RORB: variants seen among roughly 807,000 people sequenced by gnomAD.
The protein encoded by RORB is nuclear receptor ROR-beta.
Under a neutral mutation model 59.1 loss-of-function variants are expected in RORB, and 6 were observed. The ratio of observed to expected loss-of-function variants is 0.10; its 90% confidence interval spans 0.06 to 0.20. The LOEUF (loss-of-function observed/expected upper bound fraction) is 0.20. Among genes scored for constraint, RORB ranks in the 10% least tolerant of loss-of-function variants. The pLI, the probability that RORB is intolerant of heterozygous loss-of-function variation, is 1.00. For synonymous variants in RORB, 215 were observed against 204.5 expected (o/e 1.05, Z -0.44); for missense variants, 320 against 560.5 (o/e 0.57, Z 4.33).
At chr9:74,534,626 G>C (rs1013682460) in intron 1 of RORB, among the ~76,000 whole-genome samples, 2 of 151,824 alleles carry the variant, frequency 1.3e-5, no homozygotes, top group African/African-American at 4.8e-5. Context: ...GGGTGAGCCT[G>C]CCTGTCCACC....
chr9:74,638,279 T>A (rs1330854825), intron 3 of RORB, among the ~76,000 whole-genome samples: 1 of 152,248 alleles, frequency 6.6e-6, no homozygotes, highest in East Asian at 1.9e-4. Context: ...GCTATGACTT[T>A]ACTTTTTAGT....
chr9:74,579,696 C>T (rs10781238), intron 1 of RORB, among the ~76,000 whole-genome samples: 21,960 of 152,072 alleles, frequency 0.14, 1,657 homozygotes, highest in Admixed American at 0.2. Context: ...AAGGGAGTAA[C>T]ATATAAAGCC....
intron 1 of RORB, among the ~76,000 whole-genome samples, chr9:74,546,442 A>G (rs1434375555): frequency 2.6e-5 from 4 of 152,230 alleles, no homozygotes; most frequent in Admixed American, 6.5e-5. Context: ...GCAAAAAAAA[A>G]AGAGAAAAGC....
At position 74,541,327 on chromosome 9, in the gene RORB, A is replaced by G. The variant is rs541814309; in HGVS notation, c.7+43344A>G. On this transcript the variant is annotated intron_variant, in intron 1 of 9. Transcript: ENST00000376896. The stretch of plus-strand genomic sequence containing the variant: ...AAAAAGTAAAGGCTTTTGAGAACCA[A>G]CCAACCAATCAAACAAACAAAAAAC... Among the ~76,000 whole-genome samples, 3 of 146,680 alleles carry G rather than the reference A, an allele frequency of 2.0e-5. No homozygotes were observed. In the South Asian group the frequency reaches 6.4e-4, roughly 31 times the overall value.
intron 2 of RORB, among the ~76,000 whole-genome samples, chr9:74,632,737 T>C (rs967972539): frequency 6.6e-6 from 1 of 152,130 alleles, no homozygotes; most frequent in Non-Finnish European, 1.5e-5. Context: ...TATCCAAAGA[T>C]AAAAACCACA....
At chr9:74,596,208 A>G (rs987320349) in intron 1 of RORB, among the ~76,000 whole-genome samples, 1 of 152,170 alleles carries the variant, frequency 6.6e-6, no homozygotes, top group Non-Finnish European at 1.5e-5. Flanking sequence ...AGTACAGGAA[A>G]TCATGGTAAT....
chr9:74,593,713 G>A (rs1260547670), intron 1 of RORB, among the ~76,000 whole-genome samples: 1 of 152,192 alleles, frequency 6.6e-6, no homozygotes, highest in African/African-American at 2.4e-5. Context: ...GGACAGGACA[G>A]TGAACAATGT....
chr9:74,499,815 C>T (rs1051443560), intron 1 of RORB, among the ~76,000 whole-genome samples: 20 of 152,122 alleles, frequency 1.3e-4, no homozygotes, highest in African/African-American at 4.8e-4. Context: ...TTCTAACTTT[C>T]CCCCTGTGGC....
At chr9:74,618,846 C>T (rs921571513) in intron 1 of RORB, among the ~76,000 whole-genome samples, 4 of 152,000 alleles carry the variant, frequency 2.6e-5, no homozygotes, top group African/African-American at 9.7e-5. Flanking sequence ...AATTTAATGG[C>T]TTTATATTTA....
chr9:74,508,863 T>C (rs151003679), intron 1 of RORB, among the ~76,000 whole-genome samples: 27 of 152,040 alleles, frequency 1.8e-4, no homozygotes, highest in Admixed American at 1.8e-3. Flanking sequence ...GAAACAAGGG[T>C]TCCTGCCTGA....
chr9:74,562,090 T>G (rs1822404273), intron 1 of RORB, among the ~76,000 whole-genome samples: 1 of 152,164 alleles, frequency 6.6e-6, no homozygotes, highest in Non-Finnish European at 1.5e-5. Context: ...TTGCTGATGG[T>G]GTTTAATTAG....
chr9:74,645,824 C>A (rs1823888146), intron 4 of RORB, among the ~76,000 whole-genome samples: 1 of 152,024 alleles, frequency 6.6e-6, no homozygotes, highest in Admixed American at 6.6e-5. Flanking sequence ...ATCTGAGTAA[C>A]ATCAAAACCC....
At chr9:74,577,261 C>T (rs1030056097) in intron 1 of RORB, among the ~76,000 whole-genome samples, 8 of 151,988 alleles carry the variant, frequency 5.3e-5, no homozygotes, top group Non-Finnish European at 1.2e-4. Flanking sequence ...ATGTCAAAAT[C>T]GTTCTGTAAA....
rs542600059 is a variant in RORB at position 74,684,911 on chromosome 9, T to A, written c.1225-552T>A. Among the ~76,000 whole-genome samples the A allele has an allele frequency of 1.2e-4, 18 of 152,340 alleles. No individual in the cohort carries two copies. In the South Asian group the frequency reaches 3.3e-3, roughly 28 times the overall value. ...TTGTCACCTTCCAAAGCTAAAAATC[T>A]AATATTCATGTCACAAAAATCTATG... On this transcript the variant is annotated intron_variant, in intron 9 of 9. Coordinates refer to ENST00000376896, the MANE Select transcript of RORB (RefSeq NM_006914.4).
At chr9:74,498,170 T>G (rs1825740321) in intron 1 of RORB, 187 bp downstream of exon 1, 1 of 682,990 alleles carries the variant, frequency 1.5e-6, no homozygotes, top group Non-Finnish European at 2.5e-6. Flanking sequence ...GGTGTTGATG[T>G]CTTTCGGGAG....
chr9:74,677,902 A>G (rs1375378971), intron 9 of RORB, among the ~76,000 whole-genome samples: 1 of 152,250 alleles, frequency 6.6e-6, no homozygotes, highest in Non-Finnish European at 1.5e-5. Context: ...CACTCAATAA[A>G]TACTTACTAC....
chr9:74,630,144 T>C, intron 1 of RORB, 138 bp from the exon 2 acceptor site: 2 of 1,044,624 alleles, frequency 1.9e-6, no homozygotes, highest in Non-Finnish European at 1.3e-6. Context: ...TACTAATGGA[T>C]GACTCCCACA....
At chr9:74,601,808 A>AG (rs963227751) in intron 1 of RORB, among the ~76,000 whole-genome samples, 1 of 152,168 alleles carries the variant, frequency 6.6e-6, no homozygotes, top group African/African-American at 2.4e-5. Context: ...GTTGTATTTT[A>AG]GGGGGTGAAT....
intron 1 of RORB, among the ~76,000 whole-genome samples, chr9:74,560,344 G>T (rs1355778277): frequency 1.3e-5 from 2 of 152,088 alleles, no homozygotes; most frequent in Admixed American, 6.5e-5. Flanking sequence ...GGTGGCGGAA[G>T]GCTCAATATG....
Sources: gnomAD v4.1 joint callset for allele counts (sites outside exome capture counted in the v4.1 genomes callset) on GRCh38, gnomAD v4.1.1 for gene constraint, MANE v1.5 for transcripts, NCBI Gene and HGNC (gene_info 2026-07-23, HGNC 2026-07-21) for gene names.